IMMP1L: variants seen among roughly 807,000 people sequenced by gnomAD.
The protein encoded by IMMP1L is inner mitochondrial membrane peptidase subunit 1.
Under a neutral mutation model 21.8 loss-of-function variants are expected in IMMP1L, and 24 were observed. That is an observed-to-expected ratio of 1.10 (90% CI 0.80 to 1.55). The LOEUF (loss-of-function observed/expected upper bound fraction) is 1.55. IMMP1L is among the 40% of genes most tolerant of loss of function. The probability of loss-of-function intolerance (pLI) is 0.00; values close to 1 mark genes in which losing one functional copy is unlikely to be tolerated. For missense variants in IMMP1L, 195 were observed against 200.7 expected (o/e 0.97, Z 0.17); for synonymous variants, 46 against 62.8 (o/e 0.73, Z 1.26).
intron 1 of IMMP1L, among the ~76,000 whole-genome samples, chr11:31,490,323 T>C (rs1264515255): frequency 1.3e-5 from 2 of 151,910 alleles, no homozygotes; most frequent in Non-Finnish European, 2.9e-5. Flanking sequence ...AATACAAAAA[T>C]TAGCCGGGCA....
intron 4 of IMMP1L, among the ~76,000 whole-genome samples, chr11:31,449,465 CCAT>C (rs1353102879): frequency 1.3e-5 from 2 of 152,124 alleles, no homozygotes; most frequent in African/African-American, 2.4e-5. Flanking sequence ...CTTAGGTTGT[CCAT>C]CAGTTTTATT....
chr11:31,433,196 G>C (rs1952978678), intron 5 of IMMP1L, among the ~76,000 whole-genome samples: 1 of 152,160 alleles, frequency 6.6e-6, no homozygotes, highest in Admixed American at 6.5e-5. Context: ...TTGTACAAGA[G>C]AGAACTGAAC....
chr11:31,449,464 T>C (rs1953665620), intron 4 of IMMP1L, among the ~76,000 whole-genome samples: 1 of 152,220 alleles, frequency 6.6e-6, no homozygotes. Flanking sequence ...TCTTAGGTTG[T>C]CCATCAGTTT....
At chr11:31,496,698 A>C (rs896466967) in intron 1 of IMMP1L, among the ~76,000 whole-genome samples, 2 of 149,776 alleles carry the variant, frequency 1.3e-5, no homozygotes, top group Non-Finnish European at 3.0e-5. Context: ...TTATTATTAT[A>C]CTTTAAATTT....
chr11:31,486,430 T>C (rs1453505908), intron 1 of IMMP1L, among the ~76,000 whole-genome samples: 1 of 151,968 alleles, frequency 6.6e-6, no homozygotes, highest in South Asian at 2.1e-4. Flanking sequence ...GTCCTGTATC[T>C]ACATCAATAC....
chr11:31,446,322 C>T (rs752069986), intron 4 of IMMP1L, among the ~76,000 whole-genome samples: 1 of 152,182 alleles, frequency 6.6e-6, no homozygotes, highest in Non-Finnish European at 1.5e-5. Flanking sequence ...CTCTCTGCCT[C>T]CAGGCTCTCC....
chr11:31,455,158 TAA>T (rs2133624993), intron 4 of IMMP1L, among the ~76,000 whole-genome samples: 1 of 152,350 alleles, frequency 6.6e-6, no homozygotes, highest in South Asian at 2.1e-4. Context: ...ATTGATTATT[TAA>T]AAGTCAAACT....
intron 1 of IMMP1L, among the ~76,000 whole-genome samples, chr11:31,469,132 C>T (rs1041360780): frequency 3.3e-5 from 5 of 151,958 alleles, no homozygotes; most frequent in Non-Finnish European, 7.4e-5. Context: ...AAACACCTTG[C>T]CCATTTAAAA....
intron 1 of IMMP1L, among the ~76,000 whole-genome samples, chr11:31,490,807 T>C (rs935541278): frequency 1.2e-4 from 18 of 152,072 alleles, no homozygotes; most frequent in African/African-American, 4.3e-4. Flanking sequence ...GCAGATGTAA[T>C]TAAGGTAAGG....
At chr11:31,444,651 G>A (rs986416718) in intron 4 of IMMP1L, among the ~76,000 whole-genome samples, 12 of 148,166 alleles carry the variant, frequency 8.1e-5, no homozygotes, top group African/African-American at 2.5e-4. Flanking sequence ...GTGCCATGGC[G>A]CGATCTTGGC....
At chr11:31,496,182 C>A (rs1022734860) in intron 1 of IMMP1L, among the ~76,000 whole-genome samples, 2 of 150,876 alleles carry the variant, frequency 1.3e-5, no homozygotes, top group Admixed American at 1.3e-4. Flanking sequence ...AGACATCTCT[C>A]CAGACAAGGT....
At chr11:31,481,485 A>G (rs1954889419) in intron 1 of IMMP1L, among the ~76,000 whole-genome samples, 1 of 152,052 alleles carries the variant, frequency 6.6e-6, no homozygotes, top group African/African-American at 2.4e-5. Flanking sequence ...GGAGACAAAA[A>G]AACACTTTTA....
At chr11:31,454,334 A>G (rs187381003) in intron 4 of IMMP1L, among the ~76,000 whole-genome samples, 2 of 151,348 alleles carry the variant, frequency 1.3e-5, no homozygotes, top group East Asian at 3.9e-4. Context: ...AAACAGCTGA[A>G]GGAGCTACTC....
At position 31,505,654 on chromosome 11, in the gene IMMP1L, T is replaced by C. The variant is rs187190323; in HGVS notation, c.-30+3865A>G. 1.9e-3 allele frequency among the ~76,000 whole-genome samples: 297 copies of C among 152,326 alleles called. 2 individuals carry two copies. Among genetic ancestry groups the C allele is most frequent in the African/African-American group, 6.8e-3 (281 of 41,572 alleles). ...ATTAGTATGTATTTCCATAAAGCTA[T>C]ATTGACTGCGTCTACCTCTCCTTCC... On this transcript the variant is annotated intron_variant, in intron 1 of 5. Coordinates refer to ENST00000532287, the MANE Select transcript of IMMP1L (RefSeq NM_001304274.2).
intron 4 of IMMP1L, among the ~76,000 whole-genome samples, chr11:31,438,632 T>C (rs1453725686): frequency 1.3e-5 from 2 of 152,208 alleles, no homozygotes; most frequent in African/African-American, 4.8e-5. Context: ...TTTATAGCTT[T>C]AGCTTTGATT....
At chr11:31,472,904 C>A (rs1954611577) in intron 1 of IMMP1L, among the ~76,000 whole-genome samples, 1 of 151,976 alleles carries the variant, frequency 6.6e-6, no homozygotes, top group Non-Finnish European at 1.5e-5. Flanking sequence ...GTCGCTCTGT[C>A]GTCCAGGCTG....
chr11:31,448,917 A>G (rs116684096), intron 4 of IMMP1L: 1 of 983,720 alleles, frequency 1.0e-6, no homozygotes, highest in Non-Finnish European at 1.2e-6. Flanking sequence ...GAATTGTGTT[A>G]GCTATAGAAT....
At chr11:31,494,441 G>C (rs991771975) in intron 1 of IMMP1L, among the ~76,000 whole-genome samples, 1 of 152,216 alleles carries the variant, frequency 6.6e-6, no homozygotes. Context: ...GCAACCCTGG[G>C]CCCTGCCCAG....
intron 4 of IMMP1L, among the ~76,000 whole-genome samples, chr11:31,446,201 G>A (rs1473849426): frequency 1.3e-5 from 2 of 151,966 alleles, no homozygotes; most frequent in African/African-American, 4.8e-5. Flanking sequence ...CTTTCTTCCA[G>A]CATCCAATCT....
Sources: allele counts gnomAD v4.1 joint callset (sites outside exome capture counted in the v4.1 genomes callset), GRCh38; gene constraint gnomAD v4.1.1; transcripts MANE v1.5; gene names NCBI Gene and HGNC (gene_info 2026-07-23, HGNC 2026-07-21).